The following NPAS3 variants were observed in gnomAD, a reference collection of about 807,000 sequenced individuals.
The protein encoded by NPAS3 is neuronal PAS domain protein 3, also known as neuronal PAS domain-containing protein 3.
In NPAS3, 14 loss-of-function variants were observed where a neutral mutation model predicts 73.1. That is an observed-to-expected ratio of 0.19 (90% confidence interval 0.13 to 0.30). NPAS3 has a LOEUF of 0.30. Ranked by LOEUF, NPAS3 falls within the 10% of genes least tolerant of loss-of-function variation. The pLI is 1.00. For missense variants in NPAS3, 1,096 were observed against 1,250.0 expected (o/e 0.88, Z 1.86); for synonymous variants, 620 against 541.5 (o/e 1.14, Z -2.01).
chr14:33,785,066 A>C (rs1367343457), intron 9 of NPAS3, among the ~76,000 whole-genome samples: 4 of 151,750 alleles, frequency 2.6e-5, no homozygotes, highest in Admixed American at 2.6e-4. Context: ...CTGCTTTTAT[A>C]GTTTTTTTAA....
chr14:33,518,076 G>T (rs1462990308), intron 4 of NPAS3, among the ~76,000 whole-genome samples: 1 of 152,118 alleles, frequency 6.6e-6, no homozygotes, highest in East Asian at 1.9e-4. Context: ...TGACTAACTT[G>T]AAGAGTAATA....
At chr14:32,957,610 G>A (rs2036730415) in intron 1 of NPAS3, among the ~76,000 whole-genome samples, 1 of 152,080 alleles carries the variant, frequency 6.6e-6, no homozygotes, top group Admixed American at 6.6e-5. Flanking sequence ...CTGACCTGGT[G>A]ATCCGCCTGC....
intron 3 of NPAS3, among the ~76,000 whole-genome samples, chr14:33,332,241 GGCTTGACC>G (rs1211486339): frequency 6.6e-6 from 1 of 152,102 alleles, no homozygotes; most frequent in Non-Finnish European, 1.5e-5. Flanking sequence ...TCAGTTGCTT[GGCTTGACC>G]TCTTAACTAA....
intron 1 of NPAS3, among the ~76,000 whole-genome samples, chr14:32,997,672 C>T (rs2038634212): frequency 6.6e-6 from 1 of 151,856 alleles, no homozygotes; most frequent in South Asian, 2.1e-4. Context: ...CGCCTGTAAT[C>T]CCAGCACTTT....
At chr14:33,456,664 C>T (rs780590242) in intron 4 of NPAS3, among the ~76,000 whole-genome samples, 5 of 152,042 alleles carry the variant, frequency 3.3e-5, no homozygotes, top group Non-Finnish European at 7.4e-5. Context: ...AGCCTGAGAC[C>T]GCACTGTTTT....
At chr14:33,188,219 T>C (rs1210400478) in intron 2 of NPAS3, among the ~76,000 whole-genome samples, 1 of 152,234 alleles carries the variant, frequency 6.6e-6, no homozygotes, top group Non-Finnish European at 1.5e-5. Context: ...GTTATGACTA[T>C]TATTAGTATC....
intron 6 of NPAS3, among the ~76,000 whole-genome samples, chr14:33,710,085 A>G (rs971737652): frequency 3.3e-5 from 5 of 152,258 alleles, no homozygotes; most frequent in African/African-American, 1.2e-4. Flanking sequence ...ATCTTATGTT[A>G]GTGATTTTCA....
exon 12 of NPAS3, chr14:33,799,907 C>T (rs1462139455): frequency 6.2e-7 from 1 of 1,614,216 alleles, no homozygotes; most frequent in Admixed American, 1.7e-5. Flanking sequence ...CAGCTTCGAG[C>T]ACTCGGACTT....
chr14:33,343,675 C>T (rs1381570466), intron 3 of NPAS3, among the ~76,000 whole-genome samples: 6 of 152,120 alleles, frequency 3.9e-5, no homozygotes, highest in East Asian at 1.9e-4. Flanking sequence ...GGCAAGGTCT[C>T]GTTCGTGGTT....
chr14:33,176,239 T>G (rs181039189), intron 2 of NPAS3, among the ~76,000 whole-genome samples: 1,837 of 152,300 alleles, frequency 0.012, 32 homozygotes, highest in African/African-American at 0.042. Context: ...AACATAAAAT[T>G]AGCCATTTAA....
chr14:33,247,424 C>A (rs925193231), intron 3 of NPAS3, among the ~76,000 whole-genome samples: 1 of 151,872 alleles, frequency 6.6e-6, no homozygotes, highest in Non-Finnish European at 1.5e-5. Flanking sequence ...TTGCCTTTTT[C>A]CTTTACTTGA....
chr14:33,080,055 G>A lies in NPAS3; in HGVS notation c.140+24061G>A, dbSNP rs367932025. 2.0e-5 allele frequency among the ~76,000 whole-genome samples: 3 copies of A among 152,196 alleles called. No individual in the cohort carries two copies. In the East Asian group the frequency reaches 5.8e-4, roughly 29 times the overall value. On this transcript the variant is annotated intron_variant, in intron 2 of 11. Coordinates refer to ENST00000356141, the Ensembl canonical transcript of NPAS3. ...ACATATAGTGTTGCTGAGGAGACAA[G>A]GTACAATATCAGCACTTTTGAATGG...
chr14:33,467,882 A>G (rs755838275), intron 4 of NPAS3, among the ~76,000 whole-genome samples: 22 of 152,226 alleles, frequency 1.4e-4, no homozygotes, highest in Non-Finnish European at 1.3e-4. Flanking sequence ...GTGATAAATC[A>G]TCATGCTTGC....
chr14:33,235,584 A>G (rs1489168449), intron 3 of NPAS3, among the ~76,000 whole-genome samples: 1 of 152,030 alleles, frequency 6.6e-6, no homozygotes, highest in African/African-American at 2.4e-5. Context: ...AATAGGTAAT[A>G]TATACAGGTG....
chr14:33,040,879 A>G (rs1351128537), intron 1 of NPAS3, among the ~76,000 whole-genome samples: 1 of 152,170 alleles, frequency 6.6e-6, no homozygotes, highest in Non-Finnish European at 1.5e-5. Context: ...TTTCACAGTG[A>G]TGTTTTTCCC....
chr14:33,794,105 G>A, intron 10 of NPAS3, 61 bp downstream of exon 10: 3 of 1,464,862 alleles, frequency 2.0e-6, no homozygotes, highest in Non-Finnish European at 2.8e-6. Context: ...TATAAAATAT[G>A]GCTATGGTTA....
intron 4 of NPAS3, among the ~76,000 whole-genome samples, chr14:33,532,508 A>G (rs948386506): frequency 3.9e-5 from 6 of 152,004 alleles, no homozygotes; most frequent in Non-Finnish European, 5.9e-5. Flanking sequence ...TGTATTTCCT[A>G]AATTAAAAAA....
At chr14:33,134,324 C>A (rs990767765) in intron 2 of NPAS3, among the ~76,000 whole-genome samples, 1 of 152,022 alleles carries the variant, frequency 6.6e-6, no homozygotes, top group African/African-American at 2.4e-5. Flanking sequence ...CTTCCATTCG[C>A]ATTTCCCTTG....
chr14:33,774,726 A>G (rs771735584), intron 8 of NPAS3, among the ~76,000 whole-genome samples, 196 bp downstream of exon 8: 1 of 152,162 alleles, frequency 6.6e-6, no homozygotes. Flanking sequence ...TACGTTAGGG[A>G]CAACAATTAA....
Sources: allele counts gnomAD v4.1 joint callset (sites outside exome capture counted in the v4.1 genomes callset), GRCh38; gene constraint gnomAD v4.1.1; transcripts MANE v1.5; gene names NCBI Gene and HGNC (gene_info 2026-07-23, HGNC 2026-07-21).